The following ANKFY1 variants were observed in gnomAD, a reference collection of about 807,000 sequenced individuals.
ANKFY1 encodes ankyrin repeat and FYVE domain containing 1, also known as ankyrin repeat and FYVE domain-containing protein 1.
A neutral mutation model predicts 128.3 loss-of-function variants in ANKFY1; 47 were observed. That is an observed-to-expected ratio of 0.37 (90% confidence interval 0.29 to 0.47). The LOEUF is 0.47. Among genes scored for constraint, ANKFY1 ranks in the 20% least tolerant of loss-of-function variants. The probability of loss-of-function intolerance (pLI) is 1.00; values close to 1 mark genes in which losing one functional copy is unlikely to be tolerated. For synonymous variants in ANKFY1, 553 were observed against 601.6 expected (o/e 0.92, Z 1.18); for missense variants, 1,222 against 1,510.6 (o/e 0.81, Z 3.17).
intron 14 of ANKFY1, among the ~76,000 whole-genome samples, chr17:4,183,154 T>C (rs2059546040): frequency 6.6e-6 from 1 of 152,222 alleles, no homozygotes; most frequent in Non-Finnish European, 1.5e-5. Context: ...ATGAGACTTG[T>C]GCAATACTAT....
intron 1 of ANKFY1, among the ~76,000 whole-genome samples, chr17:4,247,811 G>A (rs1266936916): frequency 6.6e-6 from 1 of 152,128 alleles, no homozygotes; most frequent in Non-Finnish European, 1.5e-5. Context: ...ATACACCTTA[G>A]GCAGGTGACT....
At chr17:4,231,253 T>C (rs1428184269) in intron 3 of ANKFY1, among the ~76,000 whole-genome samples, 1 of 152,190 alleles carries the variant, frequency 6.6e-6, no homozygotes, top group Non-Finnish European at 1.5e-5. Context: ...TCCAACACTT[T>C]GGGTAGCCAA....
At chr17:4,242,139 G>A (rs757321924) in intron 2 of ANKFY1, 117 bp downstream of exon 2, 38 of 1,046,930 alleles carry the variant, frequency 3.6e-5, no homozygotes, top group Non-Finnish European at 4.8e-5. Flanking sequence ...CTAGGGAATC[G>A]ATTTGCTAAT....
intron 19 of ANKFY1, among the ~76,000 whole-genome samples, chr17:4,174,366 A>C (rs1411427091): frequency 6.6e-6 from 1 of 152,176 alleles, no homozygotes; most frequent in Non-Finnish European, 1.5e-5. Context: ...TGTACTATCT[A>C]CGGGTGTCTA....
intron 11 of ANKFY1, chr17:4,187,188 G>A (rs751231110): frequency 1.1e-4 from 48 of 434,130 alleles, no homozygotes; most frequent in Admixed American, 1.8e-4. Context: ...ATTCCATTAC[G>A]TCATTCTTGC....
rs934565046 is a variant in ANKFY1 at position 4,229,551 on chromosome 17, A to C, written c.322+6221T>G. ...TTATTGAATTGGCTAAATATAAATA[A>C]AAATTAAAAGAACAATGAACCTAAA... On this transcript the variant is annotated intron_variant, in intron 3 of 24. Coordinates refer to ENST00000341657, the MANE Select transcript of ANKFY1 (RefSeq NM_001330063.2). 2.6e-5 allele frequency among the ~76,000 whole-genome samples: 4 copies of C among 152,256 alleles called. No individual in the cohort carries two copies. The South Asian group carries it at 6.2e-4, about 24-fold the overall frequency.
intron 1 of ANKFY1, among the ~76,000 whole-genome samples, chr17:4,249,913 T>G (rs1411541247): frequency 2.0e-5 from 3 of 152,180 alleles, no homozygotes; most frequent in Non-Finnish European, 4.4e-5. Flanking sequence ...CCCACATCAC[T>G]CTACTAAATA....
At chr17:4,184,334 T>C (rs1347553469) in intron 12 of ANKFY1, among the ~76,000 whole-genome samples, 1 of 152,150 alleles carries the variant, frequency 6.6e-6, no homozygotes, top group Non-Finnish European at 1.5e-5. Context: ...AAAAAAACAC[T>C]GTCCTTAACA....
intron 15 of ANKFY1, 32 bp downstream of exon 15, chr17:4,182,149 G>C: frequency 6.9e-7 from 1 of 1,440,448 alleles, no homozygotes; most frequent in African/African-American, 1.4e-5. Flanking sequence ...ATCCCCATCT[G>C]TAAACAGAGG....
chr17:4,174,776 G>A (rs1331406778), intron 19 of ANKFY1, among the ~76,000 whole-genome samples: 1 of 152,020 alleles, frequency 6.6e-6, no homozygotes, highest in Non-Finnish European at 1.5e-5. Flanking sequence ...AGGCTGGAGT[G>A]CAGTGGTACC....
In ANKFY1 at chr17:4,195,126, T is replaced by C; in HGVS notation, c.1224A>G (p.Ala408=). 6.2e-7 allele frequency: 1 copy of C among 1,613,974 alleles called. No individual in the cohort carries two copies. Reference sequence around the variant, plus strand: ...CAGAAGACACTGTGATATGCTGCACTGCCAGCCACAGAGCCGTGCTGCCCT... The same window carrying C: ...CAGAAGACACTGTGATATGCTGCACCGCCAGCCACAGAGCCGTGCTGCCCT... ...DHEGSTALWL[A]VQHITVSSDQ... The change falls in exon 10 of 25, where the codon GCA becomes GCG. Residue 408 remains alanine, a synonymous_variant. Transcript: ENST00000341657.
chr17:4,208,529 T>G (rs1188678550), intron 5 of ANKFY1, among the ~76,000 whole-genome samples: 1 of 152,152 alleles, frequency 6.6e-6, no homozygotes, highest in Non-Finnish European at 1.5e-5. Flanking sequence ...AACAAGTCAC[T>G]CCACTGAGTC....
chr17:4,169,428 T>G lies in ANKFY1; in HGVS notation c.3287-140A>C. ...CATAGGTGACGAAGGAGCGATAGGT[T>G]CTAAGTGGTTCAGGGCCAGCTTCCC... On this transcript the variant is annotated intron_variant, in intron 23 of 24. Coordinates refer to ENST00000341657, the MANE Select transcript of ANKFY1 (RefSeq NM_001330063.2). The surrounding 1 kb of genome is among the most constrained non-coding windows in gnomAD (Gnocchi z 5.0). 1 of 640,038 alleles carries G rather than the reference T, an allele frequency of 1.6e-6. No homozygotes were observed. 39.6% of individuals were successfully genotyped at this position (640,038 alleles called of 1,614,324 possible).
chr17:4,247,338 T>A (rs1268695370), intron 1 of ANKFY1, among the ~76,000 whole-genome samples: 2 of 152,086 alleles, frequency 1.3e-5, no homozygotes, highest in Admixed American at 6.6e-5. Context: ...AATTCCTGAT[T>A]CAAATATGTA....
intron 1 of ANKFY1, among the ~76,000 whole-genome samples, chr17:4,242,693 A>C (rs1365220631): frequency 6.6e-6 from 1 of 152,216 alleles, no homozygotes; most frequent in Non-Finnish European, 1.5e-5. Context: ...CAGGAGTTTG[A>C]GACCATCCTG....
intron 20 of ANKFY1, 25 bp downstream of exon 20, chr17:4,173,884 C>T: frequency 6.2e-7 from 1 of 1,605,538 alleles, no homozygotes; most frequent in Non-Finnish European, 8.5e-7. Context: ...ATCGTTCAAG[C>T]CACTAAAGAA....
At chr17:4,182,880 C>T (rs979419173) in intron 14 of ANKFY1, among the ~76,000 whole-genome samples, 2 of 151,950 alleles carry the variant, frequency 1.3e-5, no homozygotes, top group African/African-American at 4.8e-5. Flanking sequence ...CCGAGGCAGG[C>T]AGATCACTTG....
chr17:4,164,519 G>A lies in ANKFY1; in HGVS notation c.*3260C>T, dbSNP rs1346907650. On this transcript the variant is annotated 3_prime_UTR_variant, in exon 25 of 25. Coordinates refer to ENST00000341657, the MANE Select transcript of ANKFY1 (RefSeq NM_001330063.2). ...TAGTTCTTCTGGGACTTGTCCCAAGGGAAGCAAGTGTCTGTCATGGAAACA... is the reference window on the plus strand; with the variant it reads ...TAGTTCTTCTGGGACTTGTCCCAAGAGAAGCAAGTGTCTGTCATGGAAACA... 6.6e-6 allele frequency: 1 copy of A among 152,284 alleles called. No homozygotes were observed. Among genetic ancestry groups the A allele is most frequent in the Non-Finnish European group, 1.5e-5 (1 of 68,052 alleles). The allele number at this position is 152,284 out of a possible 1,614,324, so 9.4% of individuals were successfully genotyped here.
chr17:4,185,724 G>A (rs2059599233), intron 11 of ANKFY1, among the ~76,000 whole-genome samples: 1 of 116,694 alleles, frequency 8.6e-6, no homozygotes, highest in South Asian at 3.6e-4. Context: ...ACCACCCTTC[G>A]CTTTGTTTTA....
Sources: gnomAD v4.1 joint callset for allele counts (sites outside exome capture counted in the v4.1 genomes callset) on GRCh38, gnomAD v4.1.1 for gene constraint, Gnocchi (gnomAD v3.1) non-coding constraint, MANE v1.5 for transcripts, NCBI Gene and HGNC (gene_info 2026-07-23, HGNC 2026-07-21) for gene names.